The following CCSER1 variants were observed in gnomAD, a reference collection of about 807,000 sequenced individuals.
CCSER1 encodes serine-rich coiled-coil domain-containing protein 1.
In CCSER1, 41 loss-of-function variants were observed where a neutral mutation model predicts 82.0. That is an observed-to-expected ratio of 0.50 (90% CI 0.39 to 0.65). The LOEUF (loss-of-function observed/expected upper bound fraction) is 0.65. CCSER1 is among the 30% of genes least tolerant of loss of function. CCSER1 has a pLI of 0.00. For synonymous variants in CCSER1, 414 were observed against 383.9 expected, an observed-to-expected ratio of 1.08 and a Z score of -0.92; for missense variants, 1,119 against 1,064.2, an observed-to-expected ratio of 1.05 and a Z score of -0.72.
At chr4:91,454,352 C>A (rs898554957) in intron 10 of CCSER1, among the ~76,000 whole-genome samples, 4 of 151,962 alleles carry the variant, frequency 2.6e-5, no homozygotes, top group Admixed American at 6.6e-5. Flanking sequence ...GTGACCCCTT[C>A]CCCCATCTTT....
chr4:90,916,748 T>G (rs545930719), intron 8 of CCSER1, among the ~76,000 whole-genome samples: 3 of 152,134 alleles, frequency 2.0e-5, no homozygotes, highest in East Asian at 3.9e-4. Context: ...GGGAGAAAAT[T>G]TTTGCAATCT....
chr4:91,383,170 C>T (rs1443659912), intron 10 of CCSER1, among the ~76,000 whole-genome samples: 2 of 152,118 alleles, frequency 1.3e-5, no homozygotes, highest in Admixed American at 1.3e-4. Flanking sequence ...TCATTGCAGT[C>T]ATCAGCTACC....
intron 3 of CCSER1, among the ~76,000 whole-genome samples, chr4:90,338,995 A>C (rs924662026): frequency 6.6e-6 from 1 of 152,312 alleles, no homozygotes; most frequent in African/African-American, 2.4e-5. Context: ...AATAAATGAC[A>C]TGTTGCACAT....
chr4:90,543,999 A>C (rs1776439195), intron 5 of CCSER1, among the ~76,000 whole-genome samples: 1 of 152,088 alleles, frequency 6.6e-6, no homozygotes, highest in African/African-American at 2.4e-5. Context: ...TCTGTGTCAG[A>C]GACAAGAGTT....
At chr4:90,457,774 A>C (rs1445222839) in intron 4 of CCSER1, among the ~76,000 whole-genome samples, 1 of 152,082 alleles carries the variant, frequency 6.6e-6, no homozygotes, top group Non-Finnish European at 1.5e-5. Flanking sequence ...GCAGCCTGGC[A>C]CCCAGGCTTC....
intron 6 of CCSER1, chr4:90,693,435 AT>A (rs2149244943): frequency 6.6e-6 from 1 of 152,052 alleles, no homozygotes; most frequent in South Asian, 2.1e-4. Context: ...GAGGAAAGTG[AT>A]TGTAAAACTA....
intron 1 of CCSER1, among the ~76,000 whole-genome samples, chr4:90,161,440 G>T (rs1729421791): frequency 6.6e-6 from 1 of 152,028 alleles, no homozygotes; most frequent in Admixed American, 6.6e-5. Flanking sequence ...ACATATTGTT[G>T]ATGTATTAGC....
chr4:90,781,572 ATTG>A (rs1351190342), intron 7 of CCSER1: 13 of 978,552 alleles, frequency 1.3e-5, no homozygotes, highest in Non-Finnish European at 1.5e-5. Context: ...AATGAGTTAA[ATTG>A]TTGTGACTTT....
intron 6 of CCSER1, among the ~76,000 whole-genome samples, chr4:90,665,570 C>T (rs935854754): frequency 6.6e-6 from 1 of 152,142 alleles, no homozygotes; most frequent in Non-Finnish European, 1.5e-5. Flanking sequence ...ATCCACCCGC[C>T]TCGGCCTCCC....
At chr4:90,417,775 A>G (rs908678200) in intron 4 of CCSER1, among the ~76,000 whole-genome samples, 1 of 152,118 alleles carries the variant, frequency 6.6e-6, no homozygotes, top group African/African-American at 2.4e-5. Flanking sequence ...TAGGGAGATA[A>G]TTTTTGTTAT....
chr4:90,161,858 A>G (rs1239060040), intron 1 of CCSER1, among the ~76,000 whole-genome samples: 1 of 152,160 alleles, frequency 6.6e-6, no homozygotes, highest in African/African-American at 2.4e-5. Flanking sequence ...AACCAAATTC[A>G]AGACCTAGAG....
chr4:90,549,964 C>T (rs35812022), intron 5 of CCSER1, among the ~76,000 whole-genome samples: 8,858 of 152,042 alleles, frequency 0.058, 396 homozygotes, highest in Non-Finnish European at 0.091. Context: ...AAAAACAATG[C>T]CCAGAATTTG....
intron 4 of CCSER1, among the ~76,000 whole-genome samples, chr4:90,430,068 C>G (rs71609591): frequency 1.3e-5 from 2 of 151,646 alleles, no homozygotes; most frequent in African/African-American, 4.8e-5. Context: ...ACTCTACTCT[C>G]CAGTGAAGTA....
At chr4:90,359,921 A>C (rs1310834092) in intron 3 of CCSER1, among the ~76,000 whole-genome samples, 1 of 142,576 alleles carries the variant, frequency 7.0e-6, no homozygotes, top group Non-Finnish European at 1.5e-5. Flanking sequence ...ATATGTATAT[A>C]ATTTTTTTTT....
intron 10 of CCSER1, among the ~76,000 whole-genome samples, chr4:91,368,036 T>A (rs974297371): frequency 6.6e-6 from 1 of 152,176 alleles, no homozygotes; most frequent in Non-Finnish European, 1.5e-5. Context: ...AATTTTCCTA[T>A]GTGGATATTT....
chr4:90,393,373 A>G lies in CCSER1; in HGVS notation c.1510-6663A>G, dbSNP rs1205638079. ...CCTGTGAGTCACTCTGTAGAATCCT[A>G]TGGTTGGAATAGTGGAGACGGAAAT... On this transcript the variant is annotated intron_variant, in intron 3 of 10. Coordinates refer to ENST00000509176, the MANE Select transcript of CCSER1 (RefSeq NM_001145065.2). Among the ~76,000 whole-genome samples, 4 of 152,172 alleles carry G rather than the reference A, an allele frequency of 2.6e-5. No homozygotes were observed. The East Asian group carries it at 5.8e-4, about 22-fold the overall frequency.
At chr4:90,409,317 A>G (rs1187214398) in intron 4 of CCSER1, among the ~76,000 whole-genome samples, 1 of 152,216 alleles carries the variant, frequency 6.6e-6, no homozygotes, top group Non-Finnish European at 1.5e-5. Flanking sequence ...CAACTCCAAG[A>G]AACATAATTG....
chr4:91,354,803 A>G (rs1347894179), intron 10 of CCSER1, among the ~76,000 whole-genome samples: 1 of 152,196 alleles, frequency 6.6e-6, no homozygotes, highest in East Asian at 1.9e-4. Context: ...ATGAAGTGAC[A>G]TTTAGAGACT....
chr4:90,334,444 T>TA (rs1288181761), intron 3 of CCSER1, among the ~76,000 whole-genome samples: 1 of 151,962 alleles, frequency 6.6e-6, no homozygotes, highest in African/African-American at 2.4e-5. Context: ...ATACTTTACA[T>TA]AAAAAAAGAC....
Sources: gnomAD v4.1 joint callset for allele counts (sites outside exome capture counted in the v4.1 genomes callset) on GRCh38, gnomAD v4.1.1 for gene constraint, MANE v1.5 for transcripts, NCBI Gene and HGNC (gene_info 2026-07-23, HGNC 2026-07-21) for gene names.